ENPP6: variants seen among roughly 807,000 people sequenced by gnomAD.
The protein encoded by ENPP6 is glycerophosphocholine cholinephosphodiesterase ENPP6.
A neutral mutation model predicts 42.0 loss-of-function variants in ENPP6; 32 were observed. The observed-to-expected ratio is 0.76, with a 90% confidence interval of 0.58 to 1.02. ENPP6 has a LOEUF of 1.02. ENPP6 is among the 50% of genes least tolerant of loss of function. The pLI is 0.00. For synonymous variants in ENPP6, 213 were observed against 216.0 expected, an observed-to-expected ratio of 0.99 and a Z score of 0.12; for missense variants, 552 against 566.8, an observed-to-expected ratio of 0.97 and a Z score of 0.27.
chr4:184,206,264 T>C (rs1300031206), intron 1 of ENPP6, among the ~76,000 whole-genome samples: 1 of 142,612 alleles, frequency 7.0e-6, no homozygotes, highest in African/African-American at 2.6e-5. Flanking sequence ...TTTTTTTTTT[T>C]TTTTTTTTTT....
At chr4:184,144,405 G>A (rs146700482) in intron 2 of ENPP6, among the ~76,000 whole-genome samples, 4 of 152,238 alleles carry the variant, frequency 2.6e-5, no homozygotes, top group South Asian at 2.1e-4. Context: ...CAGGGACCTC[G>A]CAGGCGGGAC....
chr4:184,176,688 G>C (rs573811327), intron 1 of ENPP6, among the ~76,000 whole-genome samples: 68 of 152,068 alleles, frequency 4.5e-4, no homozygotes, highest in African/African-American at 1.6e-3. Flanking sequence ...ACCTGCTAGA[G>C]TTGACTGAAC....
intron 1 of ENPP6, among the ~76,000 whole-genome samples, chr4:184,179,423 A>C (rs1732511567): frequency 6.6e-6 from 1 of 152,222 alleles, no homozygotes; most frequent in Admixed American, 6.5e-5. Flanking sequence ...ACACAATAAT[A>C]GTGGGAGACT....
chr4:184,126,800 A>G lies in ENPP6; in HGVS notation c.422-2528T>C, dbSNP rs546196253. On this transcript the variant is annotated intron_variant, in intron 2 of 7. Coordinates refer to ENST00000296741, the MANE Select transcript of ENPP6 (RefSeq NM_153343.4). ...AAATGAATCTAACTAAATCTTCAGG[A>G]AAGCGCAGACCCAGCTCAGCTACAG... Among the ~76,000 whole-genome samples, 15 of 152,362 alleles carry G rather than the reference A, an allele frequency of 9.8e-5. No individual in the cohort carries two copies. In the South Asian group the frequency reaches 3.1e-3, roughly 32 times the overall value.
chr4:184,162,565 AAGGAAGG>A (rs1737282911), intron 1 of ENPP6, among the ~76,000 whole-genome samples: 3 of 73,328 alleles, frequency 4.1e-5, no homozygotes. Flanking sequence ...GGAAAGAAGG[AAGGAAGG>A]AAGAAAGGAA....
At chr4:184,119,352 TG>T (rs1736377530) in intron 3 of ENPP6, among the ~76,000 whole-genome samples, 3 of 139,896 alleles carry the variant, frequency 2.1e-5, no homozygotes, top group Admixed American at 2.1e-4. Context: ...TGTGTGTGTG[TG>T]TGTGTGTGTG....
intron 1 of ENPP6, among the ~76,000 whole-genome samples, chr4:184,169,388 G>A (rs1737419699): frequency 6.6e-6 from 1 of 152,168 alleles, no homozygotes; most frequent in South Asian, 2.1e-4. Flanking sequence ...AAGAGACGCT[G>A]GGGCTACAGC....
chr4:184,107,017 G>A (rs1736109172), intron 6 of ENPP6, among the ~76,000 whole-genome samples: 1 of 152,180 alleles, frequency 6.6e-6, no homozygotes, highest in Admixed American at 6.5e-5. Context: ...GCATCGCCGA[G>A]CCTGCCTCCT....
chr4:184,093,141 G>A (rs1008010821), intron 7 of ENPP6, among the ~76,000 whole-genome samples: 3 of 152,086 alleles, frequency 2.0e-5, no homozygotes, highest in Non-Finnish European at 4.4e-5. Context: ...GGTGACCTCC[G>A]GAAATAGGCA....
intron 2 of ENPP6, among the ~76,000 whole-genome samples, chr4:184,128,500 A>C (rs1281949953): frequency 6.6e-6 from 1 of 152,168 alleles, no homozygotes; most frequent in East Asian, 1.9e-4. Context: ...ATTTTTAAAG[A>C]ATGTCAAGAT....
intron 1 of ENPP6, among the ~76,000 whole-genome samples, chr4:184,199,475 T>C (rs1322010651): frequency 1.3e-5 from 2 of 152,220 alleles, no homozygotes; most frequent in South Asian, 2.1e-4. Flanking sequence ...TTTTCTCAAG[T>C]CCACCTGTGA....
chr4:184,120,495 GTTGTCCGGCCCACTGT>G (rs1736397739), intron 3 of ENPP6, among the ~76,000 whole-genome samples: 2 of 152,204 alleles, frequency 1.3e-5, no homozygotes, highest in Non-Finnish European at 2.9e-5. Flanking sequence ...CCTGGAAGCA[GTTGTCCGGCCCACTGT>G]GACCCCCTGC....
chr4:184,157,052 G>T (rs1213016108), intron 1 of ENPP6, among the ~76,000 whole-genome samples: 1 of 152,176 alleles, frequency 6.6e-6, no homozygotes, highest in African/African-American at 2.4e-5. Flanking sequence ...TAGAGTCCAG[G>T]TTGAGCAAGA....
chr4:184,123,754 A>G (rs1035347553), intron 3 of ENPP6, among the ~76,000 whole-genome samples: 4 of 152,228 alleles, frequency 2.6e-5, no homozygotes, highest in African/African-American at 9.6e-5. Flanking sequence ...GTACATGGGT[A>G]CAAGAAGGGG....
At chr4:184,093,653 A>T (rs1384227741) in intron 7 of ENPP6, among the ~76,000 whole-genome samples, 1 of 145,088 alleles carries the variant, frequency 6.9e-6, no homozygotes, top group Non-Finnish European at 1.5e-5. Flanking sequence ...TAATAATAAT[A>T]ATAATAATAA....
At chr4:184,140,830 G>T (rs1190412403) in intron 2 of ENPP6, among the ~76,000 whole-genome samples, 2 of 130,024 alleles carry the variant, frequency 1.5e-5, no homozygotes, top group Non-Finnish European at 3.2e-5. Context: ...ATAGGCATGG[G>T]CAAGGACTTC....
At position 184,137,624 on chromosome 4, in the gene ENPP6, G is replaced by A. The variant is rs372967005; in HGVS notation, c.422-13352C>T. Among the ~76,000 whole-genome samples the A allele has an allele frequency of 9.8e-5, 15 of 152,308 alleles. No homozygotes were observed. The East Asian group carries it at 2.3e-3, about 24-fold the overall frequency. ...ACCTTAATCCAGAGTGGATTGTCAA[G>A]GATTAAGATGATTTGAAGCTTAGCT... On this transcript the variant is annotated intron_variant, in intron 2 of 7. Coordinates refer to ENST00000296741, the MANE Select transcript of ENPP6 (RefSeq NM_153343.4).
chr4:184,124,088 A>G, intron 3 of ENPP6, 73 bp downstream of exon 3: 4 of 1,214,592 alleles, frequency 3.3e-6, no homozygotes, highest in Non-Finnish European at 4.8e-6. Flanking sequence ...AGCCCTCTTA[A>G]TTCACTTTAG....
intron 1 of ENPP6, among the ~76,000 whole-genome samples, chr4:184,161,794 C>T (rs1737261122): frequency 6.6e-6 from 1 of 151,850 alleles, no homozygotes; most frequent in South Asian, 2.1e-4. Flanking sequence ...GAAAACCAAA[C>T]ATTGTATATT....
Sources: allele counts gnomAD v4.1 joint callset (sites outside exome capture counted in the v4.1 genomes callset), GRCh38; gene constraint gnomAD v4.1.1; transcripts MANE v1.5; gene names NCBI Gene and HGNC (gene_info 2026-07-23, HGNC 2026-07-21).